MSRB3: variants seen among roughly 807,000 people sequenced by gnomAD.
MSRB3 encodes methionine-R-sulfoxide reductase B3.
In MSRB3, 13 loss-of-function variants were observed where a neutral mutation model predicts 21.0. The ratio of observed to expected loss-of-function variants is 0.62; its 90% confidence interval spans 0.40 to 0.98. MSRB3 has a LOEUF of 0.98. MSRB3 is among the 50% of genes least tolerant of loss of function. MSRB3 has a pLI of 0.00. For synonymous variants in MSRB3, 87 were observed against 88.6 expected, an observed-to-expected ratio of 0.98 and a Z score of 0.10; for missense variants, 199 against 230.3, an observed-to-expected ratio of 0.86 and a Z score of 0.88.
intron 4 of MSRB3, among the ~76,000 whole-genome samples, chr12:65,347,175 C>T (rs1360976307): frequency 6.6e-6 from 1 of 152,288 alleles, no homozygotes; most frequent in East Asian, 1.9e-4. Flanking sequence ...TTACCTTGGG[C>T]AGTATGGGCA....
intron 4 of MSRB3, among the ~76,000 whole-genome samples, chr12:65,346,467 T>C (rs1231691517): frequency 6.6e-6 from 1 of 152,170 alleles, no homozygotes; most frequent in African/African-American, 2.4e-5. Context: ...TTGAGTTCAT[T>C]GTAGTTTCTG....
At chr12:65,320,862 G>T (rs1177418832) in intron 2 of MSRB3, among the ~76,000 whole-genome samples, 1 of 152,092 alleles carries the variant, frequency 6.6e-6, no homozygotes, top group African/African-American at 2.4e-5. Context: ...TCATATTCAG[G>T]TTTTAGCACT....
chr12:65,451,635 T>C (rs1882861923), intron 5 of MSRB3, among the ~76,000 whole-genome samples: 1 of 152,102 alleles, frequency 6.6e-6, no homozygotes, highest in Non-Finnish European at 1.5e-5. Flanking sequence ...TTCATGTTTC[T>C]CCTCTCCTAA....
intron 4 of MSRB3, among the ~76,000 whole-genome samples, chr12:65,338,154 C>A (rs1353874710): frequency 6.6e-6 from 1 of 152,086 alleles, no homozygotes. Context: ...TACTGGATTC[C>A]CATAATTATT....
At chr12:65,283,812 A>G (rs925734876) in intron 1 of MSRB3, 3 of 152,174 alleles carry the variant, frequency 2.0e-5, no homozygotes, top group African/African-American at 7.2e-5. Flanking sequence ...TGATGCTTTT[A>G]TGGTATCCTG....
At chr12:65,336,970 G>A (rs907930249) in intron 4 of MSRB3, among the ~76,000 whole-genome samples, 3 of 152,214 alleles carry the variant, frequency 2.0e-5, no homozygotes, top group Non-Finnish European at 4.4e-5. Context: ...GAGGCTGGGC[G>A]CGGTGGCTCA....
chr12:65,328,137 C>G (rs556035868), intron 3 of MSRB3, among the ~76,000 whole-genome samples: 2 of 152,262 alleles, frequency 1.3e-5, no homozygotes, highest in South Asian at 4.1e-4. Flanking sequence ...AAATAAGACT[C>G]CTTCCACTTG....
intron 6 of MSRB3, among the ~76,000 whole-genome samples, chr12:65,457,387 C>G (rs1017774315): frequency 3.3e-5 from 5 of 152,066 alleles, no homozygotes; most frequent in African/African-American, 1.2e-4. Flanking sequence ...AATCACCTGA[C>G]AGGTCCTGGT....
At chr12:65,382,380 G>T (rs1038214929) in intron 5 of MSRB3, among the ~76,000 whole-genome samples, 1 of 151,746 alleles carries the variant, frequency 6.6e-6, no homozygotes, top group Non-Finnish European at 1.5e-5. Context: ...TTATTTCTAT[G>T]TTAGAATAGT....
At chr12:65,380,867 A>C (rs889707728) in intron 5 of MSRB3, among the ~76,000 whole-genome samples, 3 of 152,188 alleles carry the variant, frequency 2.0e-5, no homozygotes, top group Non-Finnish European at 4.4e-5. Context: ...ACCAATATGC[A>C]GTATAAAAAC....
chr12:65,406,915 G>A (rs770325800), intron 5 of MSRB3, among the ~76,000 whole-genome samples: 19 of 152,198 alleles, frequency 1.2e-4, no homozygotes, highest in Non-Finnish European at 2.2e-4. Flanking sequence ...TATCTTGGAA[G>A]CAGAGAGAGC....
rs931822193 is a variant in MSRB3, at chr12:65,361,182, A to G, written c.264-7816A>G. The stretch of plus-strand genomic sequence containing the variant: ...CACTTAGCATCATTGTTTCGATGAA[A>G]GCTACCTTTTACTCAACTTCTAATA... On this transcript the variant is annotated intron_variant, in intron 4 of 6. Coordinates refer to ENST00000308259, the MANE Select transcript of MSRB3 (RefSeq NM_001031679.3). Among the ~76,000 whole-genome samples, 55 of 152,102 alleles carry G rather than the reference A, an allele frequency of 3.6e-4. 2 individuals are homozygous for G. The highest frequency in any genetic ancestry group is 2.1e-4 in the South Asian group (1 of 4,832).
intron 5 of MSRB3, among the ~76,000 whole-genome samples, chr12:65,397,775 C>T (rs1423955355): frequency 1.3e-5 from 2 of 152,174 alleles, no homozygotes. Flanking sequence ...AACACCCTGA[C>T]AGGCCCCAAT....
At chr12:65,370,756 TAA>T (rs561271681) in intron 5 of MSRB3, among the ~76,000 whole-genome samples, 1 of 152,088 alleles carries the variant, frequency 6.6e-6, no homozygotes, top group African/African-American at 2.4e-5. Context: ...AGTTCTTATT[TAA>T]AAAAAATCTA....
At chr12:65,355,079 G>A (rs183212924) in intron 4 of MSRB3, among the ~76,000 whole-genome samples, 34 of 151,390 alleles carry the variant, frequency 2.2e-4, no homozygotes, top group Non-Finnish European at 2.4e-4. Flanking sequence ...AGGGAAAGAG[G>A]TTAAAGAACA....
At chr12:65,373,491 G>T (rs1342061680) in intron 5 of MSRB3, among the ~76,000 whole-genome samples, 2 of 152,066 alleles carry the variant, frequency 1.3e-5, no homozygotes, top group Non-Finnish European at 2.9e-5. Flanking sequence ...ATAGATTCAT[G>T]GTCCATAAAC....
At chr12:65,322,660 C>CAAAAAAAA (rs34770864) in intron 2 of MSRB3, among the ~76,000 whole-genome samples, 1 of 87,622 alleles carries the variant, frequency 1.1e-5, no homozygotes. Flanking sequence ...GACTCCATCT[C>CAAAAAAAA]AAAAAAAAAA....
chr12:65,463,831 A>ATT lies in MSRB3; in HGVS notation c.*519_*520dup, dbSNP rs10657740. ...TTTGTGGAAAGTTTGAGCTAAGGTC[A>ATT]TTTTTTTTTTTCTCACTGAAAGGGT... is the stretch of plus-strand genomic sequence containing the variant. On this transcript the variant is annotated 3_prime_UTR_variant, in exon 7 of 7. Transcript: ENST00000308259. 3.0e-3 allele frequency: 464 copies of ATT among 152,902 alleles called. 1 individual carries two copies. The highest frequency in any genetic ancestry group is 5.1e-3 in the Non-Finnish European group (353 of 69,578). 9.5% of individuals were successfully genotyped at this position (152,902 alleles called of 1,614,324 possible).
chr12:65,422,388 G>GTATATATATATATATATATATA (rs59746471), intron 5 of MSRB3, among the ~76,000 whole-genome samples: 1 of 92,486 alleles, frequency 1.1e-5, no homozygotes, highest in Non-Finnish European at 2.1e-5. Flanking sequence ...GGAGTACATA[G>GTATATATATATATATATATATA]TATATATATA....
Sources: gnomAD v4.1 joint callset for allele counts (sites outside exome capture counted in the v4.1 genomes callset) on GRCh38, gnomAD v4.1.1 for gene constraint, MANE v1.5 for transcripts, NCBI Gene and HGNC (gene_info 2026-07-23, HGNC 2026-07-21) for gene names.